Variants in DNAH17 observed in about 807,000 individuals in gnomAD.
The protein encoded by DNAH17 is axonemal beta dynein heavy chain 17.
DNAH17 carries 376 observed loss-of-function variants against 485.6 expected under a neutral mutation model. That is an observed-to-expected ratio of 0.77 (90% CI 0.71 to 0.84). The LOEUF (loss-of-function observed/expected upper bound fraction) is 0.84. Among genes scored for constraint, DNAH17 ranks in the 40% least tolerant of loss-of-function variants. DNAH17 has a pLI of 0.00. For synonymous variants in DNAH17, 3,031 were observed against 2,405.9 expected (o/e 1.26, Z -7.60); for missense variants, 6,370 against 5,839.3 (o/e 1.09, Z -2.96).
chr17:78,519,804 T>G (rs2143181542), intron 25 of DNAH17, among the ~76,000 whole-genome samples: 1 of 152,270 alleles, frequency 6.6e-6, no homozygotes, highest in Admixed American at 6.5e-5. Context: ...AAATTGAATT[T>G]GTAACTAAAA....
rs61741094 is a variant in DNAH17, at chr17:78,486,366, G to A, written c.6959C>T (p.Thr2320Met). Residue 2320 changes from threonine to methionine, a missense_variant, in exon 45 of 81, where the codon ACG becomes ATG. Coordinates refer to ENST00000389840, the MANE Select transcript of DNAH17 (RefSeq NM_173628.4). ...CAGGTACAGAATCGTTTGGATCACC[G>A]TGATCTCCGGCACTGGCGTGATCTT... ...FKKITPVPEI[T>M]VIQTILYLLE... The A allele has an allele frequency of 1.3e-4, 210 of 1,613,886 alleles. No homozygotes were observed. In the Admixed American group the frequency reaches 2.3e-3, roughly 18 times the overall value.
chr17:78,556,104 T>G (rs1254424351), intron 14 of DNAH17, among the ~76,000 whole-genome samples: 1 of 152,182 alleles, frequency 6.6e-6, no homozygotes, highest in Non-Finnish European at 1.5e-5. Context: ...TCCATCCATC[T>G]CCATCCATCC....
chr17:78,564,815 G>T (rs1170673253), intron 11 of DNAH17, among the ~76,000 whole-genome samples: 5 of 152,128 alleles, frequency 3.3e-5, no homozygotes, highest in Non-Finnish European at 7.3e-5. Context: ...ACAGACATTA[G>T]TATACAAATG....
chr17:78,475,940 C>T (rs924088313), intron 52 of DNAH17, 107 bp from the exon 53 acceptor site: 62 of 1,297,160 alleles, frequency 4.8e-5, no homozygotes, highest in Non-Finnish European at 5.3e-5. Context: ...GAGGTCACCA[C>T]GGGGTCCCAG....
chr17:78,447,836 A>G (rs2087375212), intron 69 of DNAH17, among the ~76,000 whole-genome samples: 1 of 152,196 alleles, frequency 6.6e-6, no homozygotes, highest in Non-Finnish European at 1.5e-5. Flanking sequence ...AGTGTTGCCC[A>G]GCCTGGGCAA....
intron 14 of DNAH17, among the ~76,000 whole-genome samples, chr17:78,554,339 A>C (rs1240864889): frequency 1.4e-5 from 2 of 146,584 alleles, no homozygotes; most frequent in African/African-American, 5.0e-5. Flanking sequence ...TGGGAGGCCA[A>C]GGTGCGAGAA....
chr17:78,504,739 G>C (rs1385976926), intron 31 of DNAH17, among the ~76,000 whole-genome samples: 3 of 152,164 alleles, frequency 2.0e-5, no homozygotes, highest in Non-Finnish European at 2.9e-5. Flanking sequence ...GCTTGCTGGG[G>C]AAGGAAGAGG....
rs149351058 is a variant in DNAH17, at chr17:78,552,108, T to C, written c.2288-470A>G. On this transcript the variant is annotated intron_variant, in intron 15 of 80. Coordinates refer to ENST00000389840, the MANE Select transcript of DNAH17 (RefSeq NM_173628.4). ...TCGCTGGGCGTTCTCTGAAATGAAATGCCAAGGAATCACAAATATAGTGTC... is the reference window on the plus strand; with the variant it reads ...TCGCTGGGCGTTCTCTGAAATGAAACGCCAAGGAATCACAAATATAGTGTC... Among the ~76,000 whole-genome samples the C allele has an allele frequency of 2.1e-3, 324 of 152,266 alleles. 1 individual carries two copies. Among genetic ancestry groups the C allele is most frequent in the Non-Finnish European group, 3.4e-3 (233 of 68,022 alleles).
At chr17:78,563,831 G>C (rs994264069) in intron 11 of DNAH17, among the ~76,000 whole-genome samples, 52 of 152,154 alleles carry the variant, frequency 3.4e-4, no homozygotes, top group African/African-American at 9.9e-4. Flanking sequence ...TGTCAAACCA[G>C]GGGGAAAATG....
chr17:78,530,777 A>C (rs995444645), intron 20 of DNAH17, among the ~76,000 whole-genome samples: 6 of 152,158 alleles, frequency 3.9e-5, no homozygotes, highest in Non-Finnish European at 5.9e-5. Flanking sequence ...AGGACTTCTG[A>C]AGCTGGGTAG....
At position 78,468,647 on chromosome 17, in the gene DNAH17, G is replaced by A; in HGVS notation, c.8748C>T (p.Phe2916=). ...MNDTRETCWK[F]FIEKVRRQLK... is the part of the protein sequence containing the mutation. ...GCTGTCTGCGCACTTTTTCGATGAA[G>A]AACTTCCAACATGTTTCCCGAGTGT... Residue 2916 remains phenylalanine (F), a synonymous_variant, in exon 55 of 81, where the codon TTC becomes TTT. Transcript: ENST00000389840. The A allele has an allele frequency of 6.2e-7, 1 of 1,613,812 alleles. No individual in the cohort carries two copies. The highest frequency in any genetic ancestry group is 8.5e-7 in the Non-Finnish European group (1 of 1,179,816).
chr17:78,500,860 C>T (rs2090262275), intron 35 of DNAH17: 1 of 247,562 alleles, frequency 4.0e-6, no homozygotes, highest in African/African-American at 2.3e-5. Context: ...AACCGTGGAG[C>T]AGAGGCAGCC....
intron 11 of DNAH17, among the ~76,000 whole-genome samples, chr17:78,563,546 T>C (rs2092204469): frequency 6.6e-6 from 1 of 152,192 alleles, no homozygotes; most frequent in South Asian, 2.1e-4. Context: ...TCCCAACACT[T>C]TGAGGGGCCG....
Position 78,452,754 on chromosome 17 carries a change from A to G in DNAH17, c.10529+589T>C, listed in dbSNP as rs144593278. 2.1e-3 allele frequency among the ~76,000 whole-genome samples: 326 copies of G among 152,232 alleles called. 2 individuals are homozygous for G. The highest frequency in any genetic ancestry group is 0.014 in the Admixed American group (212 of 15,288). On this transcript the variant is annotated intron_variant, in intron 65 of 80. Coordinates refer to ENST00000389840, the MANE Select transcript of DNAH17 (RefSeq NM_173628.4). Reference sequence around the variant, plus strand: ...CTCCATCTCAAAAAACAAACAAAAAATGCTGAGTAAAAAGAGCCAGACACA... The same window carrying G: ...CTCCATCTCAAAAAACAAACAAAAAGTGCTGAGTAAAAAGAGCCAGACACA...
At chr17:78,472,228 A>ATTAGGGTTATGGAGTAGGGGTGCGAGGG in intron 54 of DNAH17, among the ~76,000 whole-genome samples, 2 of 121,908 alleles carry the variant, frequency 1.6e-5, no homozygotes. Context: ...TGTGTGAGAC[A>ATTAGGGTTATGGAGTAGGGGTGCGAGGG]TTAGGGTTAT....
At chr17:78,478,053 TATC>T (rs1456997170) in intron 51 of DNAH17, among the ~76,000 whole-genome samples, 2 of 110,270 alleles carry the variant, frequency 1.8e-5, no homozygotes, top group African/African-American at 7.9e-5. Flanking sequence ...TCATTACCAT[TATC>T]ATCTCCACCA....
At chr17:78,576,435 C>A (rs2092433978) in intron 1 of DNAH17, among the ~76,000 whole-genome samples, 1 of 152,110 alleles carries the variant, frequency 6.6e-6, no homozygotes, top group African/African-American at 2.4e-5. Context: ...GCAAAGCCAC[C>A]CGATTCAGGC....
At position 78,570,247 on chromosome 17, in the gene DNAH17, C is replaced by A. The variant is rs866423572; in HGVS notation, c.1044G>T (p.Met348Ile). Reference sequence around the variant, plus strand: ...GACCCAGGGGCCAGGGGAGGGTTACCATCTCGATGATTTGGTTGCAGAACT... The same window carrying A: ...GACCCAGGGGCCAGGGGAGGGTTACAATCTCGATGATTTGGTTGCAGAACT... ...LQEFCNQIIE[M>I]TRTFLSPEEV... The change falls in exon 7 of 81, where the codon ATG becomes ATT. Residue 348 changes from methionine to isoleucine, a missense_variant and splice_region_variant. Physicochemically the swap from Met to Ile is conservative, Grantham distance 10. Transcript: ENST00000389840. 6.3e-7 allele frequency: 1 copy of A among 1,580,776 alleles called. No individual in the cohort carries two copies. The highest frequency in any genetic ancestry group is 2.3e-5 in the East Asian group (1 of 43,180).
chr17:78,443,137 C>T (rs183577053), intron 71 of DNAH17, among the ~76,000 whole-genome samples: 53 of 152,264 alleles, frequency 3.5e-4, no homozygotes, highest in Non-Finnish European at 6.5e-4. Context: ...TTTTAGGTGG[C>T]CAGAGTGCAG....
Sources: allele counts gnomAD v4.1 joint callset (sites outside exome capture counted in the v4.1 genomes callset), GRCh38; gene constraint gnomAD v4.1.1; transcripts MANE v1.5; gene names NCBI Gene and HGNC (gene_info 2026-07-23, HGNC 2026-07-21).